The following SLC35F4 variants were observed in gnomAD, a reference collection of about 807,000 sequenced individuals.
SLC35F4 encodes the protein solute carrier family 35 member F4, also known as chromosome 14 open reading frame 36.
A neutral mutation model predicts 44.2 loss-of-function variants in SLC35F4; 24 were observed. The observed-to-expected ratio is 0.54, with a 90% CI of 0.39 to 0.76. The LOEUF is 0.76. Ranked by LOEUF, SLC35F4 falls within the 30% of genes least tolerant of loss-of-function variation. The pLI, the probability that SLC35F4 is intolerant of heterozygous loss-of-function variation, is 0.00. For missense variants in SLC35F4, 562 were observed against 586.1 expected (o/e 0.96, Z 0.42); for synonymous variants, 238 against 223.6 (o/e 1.06, Z -0.57).
chr14:57,650,099 T>C (rs2140196385), intron 1 of SLC35F4, among the ~76,000 whole-genome samples: 1 of 152,238 alleles, frequency 6.6e-6, no homozygotes, highest in South Asian at 2.1e-4. Flanking sequence ...ACGTGACTTC[T>C]CCACCTTATC....
rs574017262 is a variant in SLC35F4, at chr14:57,689,711, G to A, written c.104-95587C>T. Among the ~76,000 whole-genome samples the A allele has an allele frequency of 3.5e-5, 5 of 142,444 alleles. No individual in the cohort carries two copies. The South Asian group carries it at 1.2e-3, about 35-fold the overall frequency. 93.4% of individuals were successfully genotyped at this position (142,444 alleles called of 152,430 possible). A position where few individuals can be genotyped will look rare whatever the true frequency, so the allele number is the denominator to read the frequency against. Reference sequence around the variant, plus strand: ...ATGAGAACACTTGGACACAGGAAGGGGAACATCACACACCGGGGCCTGTTG... The same window carrying A: ...ATGAGAACACTTGGACACAGGAAGGAGAACATCACACACCGGGGCCTGTTG... On this transcript the variant is annotated intron_variant, in intron 1 of 7. Coordinates refer to ENST00000556826, the MANE Select transcript of SLC35F4 (RefSeq NM_001306087.2).
chr14:57,637,524 G>A (rs750614789), intron 1 of SLC35F4, among the ~76,000 whole-genome samples: 12 of 152,058 alleles, frequency 7.9e-5, no homozygotes, highest in African/African-American at 2.7e-4. Context: ...AGAAACACAC[G>A]CAAATGTCCA....
intron 1 of SLC35F4, among the ~76,000 whole-genome samples, chr14:57,970,772 AGAT>A (rs1448091882): frequency 5.7e-4 from 87 of 152,288 alleles, no homozygotes; most frequent in African/African-American, 2.0e-3. Flanking sequence ...CACTCGACCC[AGAT>A]GTAGACCTTT....
At chr14:57,954,089 A>G (rs940631191) in intron 1 of SLC35F4, among the ~76,000 whole-genome samples, 2 of 152,248 alleles carry the variant, frequency 1.3e-5, no homozygotes, top group Admixed American at 6.5e-5. Flanking sequence ...CTCAGACCAC[A>G]GTGCAATCAA....
chr14:57,943,286 T>C (rs755389752), intron 1 of SLC35F4, among the ~76,000 whole-genome samples: 3 of 152,210 alleles, frequency 2.0e-5, no homozygotes, highest in Non-Finnish European at 2.9e-5. Flanking sequence ...TATCCACCTG[T>C]TGTCTATACA....
intron 1 of SLC35F4, among the ~76,000 whole-genome samples, chr14:57,674,365 G>A (rs2140282134): frequency 6.6e-6 from 1 of 152,186 alleles, no homozygotes; most frequent in South Asian, 2.1e-4. Context: ...ACTTCATGAT[G>A]TCTACTTTTA....
intron 1 of SLC35F4, among the ~76,000 whole-genome samples, chr14:57,720,442 C>G (rs1440992586): frequency 6.6e-6 from 1 of 152,104 alleles, no homozygotes; most frequent in Admixed American, 6.5e-5. Flanking sequence ...TAGAATTCAG[C>G]AGTGGAGCCA....
chr14:57,802,179 C>A (rs975677236), intron 1 of SLC35F4, among the ~76,000 whole-genome samples: 7 of 152,116 alleles, frequency 4.6e-5, no homozygotes, highest in Admixed American at 3.9e-4. Context: ...AAGAAATTCA[C>A]TCAAAATCAC....
intron 1 of SLC35F4, among the ~76,000 whole-genome samples, chr14:57,733,561 A>G (rs2076397736): frequency 6.6e-6 from 1 of 152,106 alleles, no homozygotes; most frequent in Non-Finnish European, 1.5e-5. Flanking sequence ...TTGAAAAAAA[A>G]AGGCATCTTA....
intron 1 of SLC35F4, among the ~76,000 whole-genome samples, chr14:57,783,676 AC>A (rs2077685812): frequency 6.6e-6 from 1 of 152,212 alleles, no homozygotes; most frequent in South Asian, 2.1e-4. Context: ...GTCAGGAAGC[AC>A]CTTGCCAGCA....
intron 1 of SLC35F4, among the ~76,000 whole-genome samples, chr14:57,900,040 G>C (rs2783233): frequency 7.9e-5 from 12 of 151,846 alleles, no homozygotes; most frequent in Non-Finnish European, 1.6e-4. Flanking sequence ...TTTTTCCCAA[G>C]CCTCCCTGCG....
upstream of SLC35F4, among the ~76,000 whole-genome samples, chr14:57,866,246 G>C (rs1038176569): frequency 2.0e-5 from 3 of 152,204 alleles, no homozygotes; most frequent in East Asian, 1.9e-4. Context: ...TCAGTGGGGC[G>C]CGAGAGGAGA....
At chr14:57,676,823 A>G (rs2074711282) in intron 1 of SLC35F4, among the ~76,000 whole-genome samples, 1 of 152,106 alleles carries the variant, frequency 6.6e-6, no homozygotes, top group South Asian at 2.1e-4. Context: ...GGGAATGTAA[A>G]CTAGTACAAC....
At chr14:57,714,083 C>T (rs1413283011) in intron 1 of SLC35F4, among the ~76,000 whole-genome samples, 1 of 152,160 alleles carries the variant, frequency 6.6e-6, no homozygotes, top group East Asian at 1.9e-4. Flanking sequence ...TATGACATGA[C>T]ATTTATTGAT....
At chr14:57,623,067 C>G (rs993553508) in intron 1 of SLC35F4, among the ~76,000 whole-genome samples, 1 of 152,018 alleles carries the variant, frequency 6.6e-6, no homozygotes, top group Non-Finnish European at 1.5e-5. Context: ...TCAGAAGACC[C>G]ATCTCACTTG....
intron 1 of SLC35F4, among the ~76,000 whole-genome samples, chr14:57,696,392 G>A (rs2075384738): frequency 6.6e-6 from 1 of 152,170 alleles, no homozygotes; most frequent in African/African-American, 2.4e-5. Context: ...AGTTAGAATG[G>A]CAATCATTAA....
chr14:57,932,638 C>T (rs143819827), intron 1 of SLC35F4, among the ~76,000 whole-genome samples: 11,904 of 152,154 alleles, frequency 0.078, 604 homozygotes, highest in Non-Finnish European at 0.12. Flanking sequence ...CACTTGAGAT[C>T]AGGAGTTCAA....
chr14:57,884,202 GT>G (rs1888599054), intron 1 of SLC35F4, among the ~76,000 whole-genome samples: 1 of 152,086 alleles, frequency 6.6e-6, no homozygotes, highest in Admixed American at 6.6e-5. Flanking sequence ...GACACTTCTT[GT>G]TTTCAGAAAT....
intron 1 of SLC35F4, among the ~76,000 whole-genome samples, chr14:57,690,565 G>C (rs906579104): frequency 7.2e-5 from 11 of 151,872 alleles, no homozygotes; most frequent in African/African-American, 2.7e-4. Context: ...GGATGGTTTG[G>C]GATGATTCAA....
Sources: allele counts gnomAD v4.1 joint callset (sites outside exome capture counted in the v4.1 genomes callset), GRCh38; gene constraint gnomAD v4.1.1; transcripts MANE v1.5; gene names NCBI Gene and HGNC (gene_info 2026-07-23, HGNC 2026-07-21).